Variants in ABCB5 observed in about 807,000 individuals in gnomAD.
ABCB5 encodes the protein ATP-binding cassette sub-family B member 5.
Under a neutral mutation model 144.2 loss-of-function variants are expected in ABCB5, and 155 were observed. The ratio of observed to expected loss-of-function variants is 1.08; its 90% CI spans 0.94 to 1.23. The LOEUF (loss-of-function observed/expected upper bound fraction) is 1.23. ABCB5 is among the 50% of genes most tolerant of loss of function. The pLI is 0.00. For missense variants in ABCB5, 1,830 were observed against 1,520.8 expected (o/e 1.20, Z -3.38); for synonymous variants, 610 against 528.6 (o/e 1.15, Z -2.11).
chr7:20,718,844 G>A (rs576210730), intron 20 of ABCB5, among the ~76,000 whole-genome samples: 1 of 152,110 alleles, frequency 6.6e-6, no homozygotes, highest in Non-Finnish European at 1.5e-5. Context: ...TTCAAGTTGG[G>A]AGAATTACAC....
intron 23 of ABCB5, among the ~76,000 whole-genome samples, chr7:20,734,998 G>A (rs549813693): frequency 1.3e-5 from 2 of 152,184 alleles, no homozygotes; most frequent in African/African-American, 2.4e-5. Flanking sequence ...TTGCAATACC[G>A]ACCAAGAACC....
intron 21 of ABCB5, among the ~76,000 whole-genome samples, chr7:20,725,967 A>G (rs1782022884): frequency 6.6e-6 from 1 of 152,188 alleles, no homozygotes; most frequent in Non-Finnish European, 1.5e-5. Flanking sequence ...TTCTTCAGAG[A>G]AGGCCAAGTG....
chr7:20,666,216 G>C (rs957570336), intron 14 of ABCB5, among the ~76,000 whole-genome samples: 9 of 151,930 alleles, frequency 5.9e-5, no homozygotes, highest in Non-Finnish European at 1.2e-4. Flanking sequence ...CTACATCATG[G>C]AGTACATGTC....
At position 20,672,632 on chromosome 7, in the gene ABCB5, C is replaced by A. The variant is rs572150867; in HGVS notation, c.1708-8873C>A. 9.9e-4 allele frequency among the ~76,000 whole-genome samples: 151 copies of A among 152,212 alleles called. 1 individual carries two copies. The highest frequency in any genetic ancestry group is 3.5e-3 in the African/African-American group (147 of 41,536). ...AATTTAAGGTCACAAAGACTTTCCT[C>A]TGTTTTCTTCTGAAGGTATTATAGT... is the stretch of plus-strand genomic sequence containing the variant. On this transcript the variant is annotated intron_variant, in intron 14 of 27. Transcript: ENST00000404938.
chr7:20,753,009 A>G (rs1011519698), intron 26 of ABCB5, among the ~76,000 whole-genome samples: 28 of 152,220 alleles, frequency 1.8e-4, no homozygotes, highest in African/African-American at 6.5e-4. Flanking sequence ...AATCATTTTA[A>G]CCTGAAAATA....
chr7:20,647,353 G>A (rs1237549796), intron 9 of ABCB5, 182 bp from the exon 10 acceptor site: 14 of 1,334,398 alleles, frequency 1.0e-5, no homozygotes, highest in Middle Eastern at 2.7e-4. Context: ...ATTGCTTCTC[G>A]GCCTTTTGGC....
At chr7:20,623,031 A>G (rs960199262) in intron 1 of ABCB5, among the ~76,000 whole-genome samples, 1 of 152,166 alleles carries the variant, frequency 6.6e-6, no homozygotes, top group African/African-American at 2.4e-5. Context: ...CACTTTCATT[A>G]GCTCCAAATC....
rs1255356044 is a variant in ABCB5, at chr7:20,628,745, C to A, written c.166C>A (p.Leu56Met). 2 of 1,613,634 alleles carry A rather than the reference C, an allele frequency of 1.2e-6. No homozygotes were observed. Among genetic ancestry groups the A allele is most frequent in the Non-Finnish European group, 1.7e-6 (2 of 1,179,822 alleles). ...TLMILGILAS[L>M]VNGACLPLMP... is the part of the protein sequence containing the mutation. ...CATGATCCTGGGTATACTGGCATCA[C>A]TGGTCAATGGAGCCTGCCTTCCTTT... Residue 56 changes from leucine to methionine, a missense_variant, in exon 4 of 28, where the codon CTG becomes ATG. Physicochemically the swap from Leu to Met is conservative, Grantham distance 15 (BLOSUM62 2). Coordinates refer to ENST00000404938, the MANE Select transcript of ABCB5 (RefSeq NM_001163941.2).
chr7:20,728,476 G>A lies in ABCB5; in HGVS notation c.2867+21G>A, dbSNP rs545117369. ...TTCATGTAAGTCGTGGAAATAGTCC[G>A]GACCTGGTAGCTCACACCTGTAATT... On this transcript the variant is annotated intron_variant, in intron 23 of 27. Transcript: ENST00000404938. The A allele has an allele frequency of 1.1e-4, 173 of 1,611,510 alleles. No individual in the cohort carries two copies. In the Admixed American group the frequency reaches 2.3e-3, roughly 21 times the overall value.
At chr7:20,658,915 C>A in intron 14 of ABCB5, 1 of 959,314 alleles carries the variant, frequency 1.0e-6, no homozygotes, top group Non-Finnish European at 1.6e-6. Context: ...CACAAGCAAT[C>A]ATCCAGTCTA....
intron 20 of ABCB5, among the ~76,000 whole-genome samples, chr7:20,711,866 C>T (rs67026701): frequency 0.47 from 26,323 of 56,428 alleles, 7,607 homozygotes; most frequent in East Asian, 0.89. Flanking sequence ...TCTTTCCTTC[C>T]TCCCTCCCTC....
intron 15 of ABCB5, among the ~76,000 whole-genome samples, chr7:20,683,659 C>A (rs1785898219): frequency 6.6e-6 from 1 of 152,054 alleles, no homozygotes; most frequent in Non-Finnish European, 1.5e-5. Flanking sequence ...GATTAGTATT[C>A]TCTGGTTACC....
Position 20,681,028 on chromosome 7 carries a change from TTCTTTC to T in ABCB5, c.1708-469_1708-464del, listed in dbSNP as rs1785789181. On this transcript the variant is annotated intron_variant, in intron 14 of 27. Transcript: ENST00000404938. ...TTTCTTTCTTTCTTTCTTTCTTTCT[TTCTTTC>T]TCTTTCTTTCTTTCTCTCTCTCTCT... is the stretch of plus-strand genomic sequence containing the variant. Among the ~76,000 whole-genome samples the T allele has an allele frequency of 6.2e-4, 14 of 22,630 alleles. 1 individual carries two copies. The highest frequency in any genetic ancestry group is 8.2e-4 in the African/African-American group (4 of 4,852). The allele number at this position is 22,630 out of a possible 152,430, so 14.8% of individuals were successfully genotyped here. A position where few individuals can be genotyped will look rare whatever the true frequency, so the allele number is the denominator to read the frequency against.
intron 15 of ABCB5, among the ~76,000 whole-genome samples, chr7:20,683,620 T>A (rs567022862): frequency 1.6e-4 from 25 of 152,274 alleles, no homozygotes; most frequent in African/African-American, 5.3e-4. Context: ...GATGAGTGTG[T>A]AAAAATTTTA....
chr7:20,668,555 T>C (rs1188285736), intron 14 of ABCB5, among the ~76,000 whole-genome samples: 3 of 150,298 alleles, frequency 2.0e-5, no homozygotes, highest in Admixed American at 6.6e-5. Context: ...ATGAGGAGCG[T>C]CTCCGCCCGG....
chr7:20,641,914 G>T (rs1278466539), intron 5 of ABCB5: 1 of 152,320 alleles, frequency 6.6e-6, no homozygotes, highest in Non-Finnish European at 1.5e-5. Context: ...GGTTGTTCTT[G>T]TTCAGGGCGT....
chr7:20,754,343 A>G (rs984143804), intron 27 of ABCB5, among the ~76,000 whole-genome samples: 3 of 152,234 alleles, frequency 2.0e-5, no homozygotes, highest in Non-Finnish European at 4.4e-5. Context: ...GTGTTATGAA[A>G]AATAAACAAC....
At chr7:20,705,699 T>G (rs975781798) in intron 20 of ABCB5, among the ~76,000 whole-genome samples, 1 of 152,208 alleles carries the variant, frequency 6.6e-6, no homozygotes, top group African/African-American at 2.4e-5. Context: ...AGATGTTGCT[T>G]GAAGCTTTGT....
chr7:20,642,036 G>T (rs1473367006), intron 5 of ABCB5: 1 of 152,128 alleles, frequency 6.6e-6, no homozygotes, highest in Non-Finnish European at 1.5e-5. Context: ...CCTTGGCCAG[G>T]GCGATAGGTT....
Sources: gnomAD v4.1 joint callset for allele counts (sites outside exome capture counted in the v4.1 genomes callset) on GRCh38, gnomAD v4.1.1 for gene constraint, MANE v1.5 for transcripts, NCBI Gene and HGNC (gene_info 2026-07-23, HGNC 2026-07-21) for gene names.